BTBD9: variants seen among roughly 807,000 people sequenced by gnomAD.
BTBD9 encodes BTB domain containing 9, also known as BTB/POZ domain-containing protein 9.
BTBD9 carries 49 observed loss-of-function variants against 64.3 expected under a neutral mutation model. The observed-to-expected ratio is 0.76, with a 90% CI of 0.61 to 0.97. The LOEUF (loss-of-function observed/expected upper bound fraction) is 0.97, where lower values mean the gene tolerates loss of function less well. Among genes scored for constraint, BTBD9 ranks in the 50% least tolerant of loss-of-function variants. BTBD9 has a pLI of 0.00. For missense variants in BTBD9, 598 were observed against 762.1 expected (o/e 0.78, Z 2.53); for synonymous variants, 260 against 274.7 (o/e 0.95, Z 0.53).
At chr6:38,208,856 G>A (rs1349852525) in intron 9 of BTBD9, among the ~76,000 whole-genome samples, 2 of 152,122 alleles carry the variant, frequency 1.3e-5, no homozygotes, top group African/African-American at 4.8e-5. Flanking sequence ...ATGGGGCCAA[G>A]TTGATCTAAC....
At chr6:38,509,450 GC>G (rs1255248437) in intron 6 of BTBD9, among the ~76,000 whole-genome samples, 1 of 152,070 alleles carries the variant, frequency 6.6e-6, no homozygotes, top group African/African-American at 2.4e-5. Flanking sequence ...TGCATATTTT[GC>G]CTTCTTGACC....
intron 8 of BTBD9, among the ~76,000 whole-genome samples, chr6:38,280,812 C>T (rs1761482279): frequency 6.6e-6 from 1 of 152,228 alleles, no homozygotes. Flanking sequence ...TTAGATAAGA[C>T]ACACTGAGCA....
chr6:38,186,837 A>C (rs1032169485), intron 10 of BTBD9, among the ~76,000 whole-genome samples: 2 of 152,154 alleles, frequency 1.3e-5, no homozygotes, highest in African/African-American at 4.8e-5. Context: ...CATTGCAGAG[A>C]ATTTCCTTTT....
In BTBD9 at chr6:38,580,268, C is replaced by T; in HGVS notation, c.984G>A (p.Gln328=). 6.2e-7 allele frequency: 1 copy of T among 1,614,236 alleles called. No individual in the cohort carries two copies. The highest frequency in any genetic ancestry group is 8.5e-7 in the Non-Finnish European group (1 of 1,180,050). The change falls in exon 5 of 11, where the codon CAG becomes CAA. Residue 328 remains glutamine, a synonymous_variant. Transcript: ENST00000481247. The part of the protein sequence containing the change: ...CRSGIEIKLG[Q]PSIINHIRIL... ...TCCGTATGTGATTGATAATGGATGG[C>T]TGACCTAGCTTAATCTCGATGCCGG...
At chr6:38,590,208 T>C (rs1428879129) in intron 4 of BTBD9, among the ~76,000 whole-genome samples, 9 of 152,080 alleles carry the variant, frequency 5.9e-5, no homozygotes, top group African/African-American at 1.4e-4. Context: ...CAAAAATGTT[T>C]AAAACAATGT....
intron 6 of BTBD9, among the ~76,000 whole-genome samples, chr6:38,383,818 C>T (rs1766042130): frequency 6.6e-6 from 1 of 152,122 alleles, no homozygotes; most frequent in Non-Finnish European, 1.5e-5. Context: ...TGTTTGCGTC[C>T]ACCCCTCCTC....
intron 1 of BTBD9, among the ~76,000 whole-genome samples, chr6:38,628,400 T>G (rs1279187429): frequency 2.0e-5 from 3 of 152,202 alleles, no homozygotes; most frequent in Non-Finnish European, 4.4e-5. Flanking sequence ...AACCTCTAGT[T>G]AGTGGGTTTC....
At chr6:38,484,840 T>A (rs541698163) in intron 6 of BTBD9, among the ~76,000 whole-genome samples, 1 of 152,220 alleles carries the variant, frequency 6.6e-6, no homozygotes, top group Non-Finnish European at 1.5e-5. Flanking sequence ...CACGCCTCAA[T>A]GTTGATAGCT....
intron 6 of BTBD9, among the ~76,000 whole-genome samples, chr6:38,495,760 T>A (rs1243825847): frequency 1.2e-5 from 1 of 80,254 alleles, no homozygotes; most frequent in Non-Finnish European, 2.4e-5. Context: ...TGCAGGTGCA[T>A]CTGGGCGGGG....
At chr6:38,245,327 G>A (rs1764146806) in intron 9 of BTBD9, among the ~76,000 whole-genome samples, 1 of 152,190 alleles carries the variant, frequency 6.6e-6, no homozygotes, top group South Asian at 2.1e-4. Context: ...TGGGTGGTCA[G>A]GGCAAACTTT....
At chr6:38,256,083 T>C (rs1332374241) in intron 9 of BTBD9, among the ~76,000 whole-genome samples, 1 of 147,236 alleles carries the variant, frequency 6.8e-6, no homozygotes, top group African/African-American at 2.5e-5. Context: ...AAAAAAGTAG[T>C]GTGGGGTATG....
At chr6:38,525,067 T>C (rs912090054) in intron 6 of BTBD9, among the ~76,000 whole-genome samples, 2 of 152,194 alleles carry the variant, frequency 1.3e-5, no homozygotes, top group Non-Finnish European at 2.9e-5. Context: ...GGGGATATCA[T>C]GATGGCACGA....
chr6:38,265,290 T>C (rs1393803499), intron 8 of BTBD9, among the ~76,000 whole-genome samples: 1 of 152,052 alleles, frequency 6.6e-6, no homozygotes, highest in Non-Finnish European at 1.5e-5. Context: ...TAAGGAGGGA[T>C]TTTCTTTCTC....
chr6:38,440,315 A>T (rs946239847), intron 6 of BTBD9, among the ~76,000 whole-genome samples: 1 of 152,200 alleles, frequency 6.6e-6, no homozygotes, highest in Admixed American at 6.5e-5. Context: ...AGCCAGTGGG[A>T]TAGGAGGAAA....
At chr6:38,315,777 G>A (rs143366198) in intron 7 of BTBD9, among the ~76,000 whole-genome samples, 1,916 of 152,308 alleles carry the variant, frequency 0.013, 24 homozygotes, top group Middle Eastern at 0.041. Flanking sequence ...AGAAGAATGT[G>A]TATTCTGCAG....
chr6:38,254,958 C>T (rs922768161), intron 9 of BTBD9, among the ~76,000 whole-genome samples: 16 of 152,080 alleles, frequency 1.1e-4, no homozygotes, highest in African/African-American at 2.2e-4. Context: ...AAAACTTGTA[C>T]AGGAATGTTC....
intron 9 of BTBD9, among the ~76,000 whole-genome samples, chr6:38,198,660 A>T (rs763232839): frequency 1.3e-5 from 2 of 152,220 alleles, no homozygotes; most frequent in Non-Finnish European, 2.9e-5. Context: ...GACCTGTTGA[A>T]CACTGGGGAG....
At chr6:38,251,745 A>C (rs1246506352) in intron 9 of BTBD9, among the ~76,000 whole-genome samples, 3 of 152,070 alleles carry the variant, frequency 2.0e-5, no homozygotes, top group Admixed American at 6.5e-5. Context: ...ACACAAAATT[A>C]GCCAGCCGTG....
intron 8 of BTBD9, among the ~76,000 whole-genome samples, chr6:38,273,217 T>C (rs1357112989): frequency 6.6e-6 from 1 of 152,218 alleles, no homozygotes; most frequent in Non-Finnish European, 1.5e-5. Context: ...ACCACTATAA[T>C]GTAAGGAAGA....
Sources: allele counts gnomAD v4.1 joint callset (sites outside exome capture counted in the v4.1 genomes callset), GRCh38; gene constraint gnomAD v4.1.1; transcripts MANE v1.5; gene names NCBI Gene and HGNC (gene_info 2026-07-23, HGNC 2026-07-21).